CORIN: variants seen among roughly 807,000 people sequenced by gnomAD.
The protein encoded by CORIN is atrial natriuretic peptide-converting enzyme.
CORIN carries 117 observed loss-of-function variants against 125.3 expected under a neutral mutation model. The ratio of observed to expected loss-of-function variants is 0.93; its 90% CI spans 0.80 to 1.09. The LOEUF (loss-of-function observed/expected upper bound fraction) is 1.09, where lower values mean the gene tolerates loss of function less well. CORIN is among the 50% of genes least tolerant of loss of function. The pLI is 0.00. For synonymous variants in CORIN, 450 were observed against 466.4 expected (o/e 0.96, Z 0.45); for missense variants, 1,253 against 1,306.7 (o/e 0.96, Z 0.63).
At chr4:47,837,846 T>C in intron 1 of CORIN, 41 bp downstream of exon 1, 1 of 1,573,922 alleles carries the variant, frequency 6.4e-7, no homozygotes, top group Non-Finnish European at 8.7e-7. Context: ...TAAGAGGCCA[T>C]CACACCTGGC....
intron 5 of CORIN, among the ~76,000 whole-genome samples, chr4:47,720,956 T>C (rs1445687787): frequency 6.6e-6 from 1 of 152,170 alleles, no homozygotes; most frequent in Non-Finnish European, 1.5e-5. Context: ...AATCTCCCTA[T>C]CAGTTCTGTC....
chr4:47,769,619 T>C (rs1729927028), intron 3 of CORIN, among the ~76,000 whole-genome samples: 1 of 151,988 alleles, frequency 6.6e-6, no homozygotes, highest in South Asian at 2.1e-4. Flanking sequence ...GATTTCCAAA[T>C]ACACTATAAA....
chr4:47,763,293 G>A, intron 4 of CORIN, 86 bp downstream of exon 4: 1 of 996,342 alleles, frequency 1.0e-6, no homozygotes, highest in South Asian at 1.5e-5. Context: ...CAAAATAAAA[G>A]GGAGTCATTT....
rs1721175764 is a variant in CORIN, at chr4:47,594,479, AT to A, written c.*1241del. ...TGGGGAAAAATACTTTTTACCACTA[AT>A]TGCTTCAGAAATTGAGTTGCGTAAA... On this transcript the variant is annotated 3_prime_UTR_variant, in exon 22 of 22. Coordinates refer to ENST00000273857, the MANE Select transcript of CORIN (RefSeq NM_006587.4). 6.6e-6 allele frequency: 1 copy of A among 152,548 alleles called. No homozygotes were observed. The highest frequency in any genetic ancestry group is 1.5e-5 in the Non-Finnish European group (1 of 68,012). The allele number at this position is 152,548 out of a possible 1,614,324, so 9.4% of individuals were successfully genotyped here.
chr4:47,703,623 G>A (rs753834976), intron 5 of CORIN, among the ~76,000 whole-genome samples: 15 of 152,164 alleles, frequency 9.9e-5, no homozygotes, highest in South Asian at 2.1e-4. Context: ...CTTTGGGATC[G>A]TCTCTGAGTA....
At position 47,732,753 on chromosome 4, in the gene CORIN, G is replaced by A. The variant is rs143611166; in HGVS notation, c.799+11649C>T. ...TTTTTTATATTTTTAGTAGAGACGC[G>A]GTTTCACTATGTTGGCCAGGCTGGT... is the stretch of plus-strand genomic sequence containing the variant. On this transcript the variant is annotated intron_variant, in intron 5 of 21. Coordinates refer to ENST00000273857, the MANE Select transcript of CORIN (RefSeq NM_006587.4). 9.4e-3 allele frequency among the ~76,000 whole-genome samples: 1,434 copies of A among 152,054 alleles called. 19 individuals are homozygous for A. Among genetic ancestry groups the A allele is most frequent in the African/African-American group, 0.02 (840 of 41,480 alleles).
chr4:47,832,937 A>T (rs1428689074), intron 1 of CORIN, among the ~76,000 whole-genome samples: 1 of 152,224 alleles, frequency 6.6e-6, no homozygotes, highest in African/African-American at 2.4e-5. Context: ...ATTTGATTTA[A>T]TGTTGATTAA....
chr4:47,624,777 T>C (rs1310708959), intron 17 of CORIN, among the ~76,000 whole-genome samples: 2 of 152,196 alleles, frequency 1.3e-5, no homozygotes, highest in East Asian at 1.9e-4. Flanking sequence ...CCATGAAACA[T>C]TTACATTACA....
Position 47,764,241 on chromosome 4 carries a change from A to G in CORIN, c.410-655T>C, listed in dbSNP as rs538641420. ...AATGATCTTGTTTTTAAAACACACA[A>G]TTATGCAAAGATTTGTAATCCCGCC... On this transcript the variant is annotated intron_variant, in intron 3 of 21. Transcript: ENST00000273857. 1.3e-4 allele frequency among the ~76,000 whole-genome samples: 20 copies of G among 152,322 alleles called. 1 individual carries two copies. Among genetic ancestry groups the G allele is most frequent in the South Asian group, 4.1e-4 (2 of 4,822 alleles).
intron 5 of CORIN, among the ~76,000 whole-genome samples, chr4:47,703,966 G>T (rs991943011): frequency 1.4e-4 from 21 of 152,118 alleles, no homozygotes; most frequent in African/African-American, 5.1e-4. Flanking sequence ...TATTTAATAC[G>T]AACTTCTCTT....
At chr4:47,744,730 T>A in intron 4 of CORIN, 147 bp from the exon 5 acceptor site, 1 of 658,522 alleles carries the variant, frequency 1.5e-6, no homozygotes, top group Non-Finnish European at 2.4e-6. Flanking sequence ...TTACATTCAG[T>A]CCTATGACAG....
chr4:47,773,236 T>C (rs1388326100), intron 3 of CORIN, among the ~76,000 whole-genome samples: 1 of 152,068 alleles, frequency 6.6e-6, no homozygotes, highest in Non-Finnish European at 1.5e-5. Flanking sequence ...ATGATGAGAG[T>C]ATAAAAAATT....
At chr4:47,624,077 C>T in intron 17 of CORIN, 129 bp from the exon 18 acceptor site, 5 of 761,204 alleles carry the variant, frequency 6.6e-6, no homozygotes, top group Admixed American at 4.9e-5. Flanking sequence ...TGAGCATTTC[C>T]TGTGTTACCA....
intron 1 of CORIN, among the ~76,000 whole-genome samples, chr4:47,833,849 C>CA (rs1434295779): frequency 6.6e-6 from 1 of 152,130 alleles, no homozygotes; most frequent in African/African-American, 2.4e-5. Context: ...ATCAAAACCA[C>CA]AAAGAGATTT....
chr4:47,644,087 G>T (rs76475754), intron 14 of CORIN, among the ~76,000 whole-genome samples: 1 of 152,130 alleles, frequency 6.6e-6, no homozygotes, highest in Non-Finnish European at 1.5e-5. Flanking sequence ...TTCTCCCTGC[G>T]TGGTGCTTCT....
intron 19 of CORIN, among the ~76,000 whole-genome samples, chr4:47,616,857 G>A (rs1426934419): frequency 6.6e-6 from 1 of 152,146 alleles, no homozygotes; most frequent in Non-Finnish European, 1.5e-5. Flanking sequence ...GTTGCTGAAG[G>A]GAGTGATCCA....
intron 3 of CORIN, among the ~76,000 whole-genome samples, chr4:47,765,885 T>A (rs1729709958): frequency 6.6e-6 from 1 of 152,238 alleles, no homozygotes; most frequent in South Asian, 2.1e-4. Flanking sequence ...ACAAACTCCT[T>A]ATTAGGGAGA....
intron 5 of CORIN, among the ~76,000 whole-genome samples, chr4:47,740,156 A>G (rs1166461977): frequency 6.6e-6 from 1 of 152,014 alleles, no homozygotes; most frequent in Non-Finnish European, 1.5e-5. Context: ...TCAATTATAT[A>G]CTGTGTGTAA....
intron 16 of CORIN, among the ~76,000 whole-genome samples, chr4:47,633,037 C>T (rs180757347): frequency 6.6e-6 from 1 of 152,256 alleles, no homozygotes; most frequent in Non-Finnish European, 1.5e-5. Context: ...ATGCCTCAGC[C>T]TCCCAGAGTG....
Sources: allele counts gnomAD v4.1 joint callset (sites outside exome capture counted in the v4.1 genomes callset), GRCh38; gene constraint gnomAD v4.1.1; transcripts MANE v1.5; gene names NCBI Gene and HGNC (gene_info 2026-07-23, HGNC 2026-07-21).